Variants in THSD4 observed in about 807,000 individuals in gnomAD.
The protein encoded by THSD4 is thrombospondin type-1 domain-containing protein 4.
In THSD4, 69 loss-of-function variants were observed where a neutral mutation model predicts 119.0. That is an observed-to-expected ratio of 0.58 (90% confidence interval 0.48 to 0.71). THSD4 has a LOEUF of 0.71. Ranked by LOEUF, THSD4 falls within the 30% of genes least tolerant of loss-of-function variation. THSD4 has a pLI of 0.00. For missense variants in THSD4, 1,393 were observed against 1,391.1 expected (o/e 1.00, Z -0.02); for synonymous variants, 524 against 540.4 (o/e 0.97, Z 0.42).
In THSD4 at chr15:71,242,751, C is replaced by G. The variant is rs765682509; in HGVS notation, c.567C>G (p.Leu189=). 3 of 1,614,202 alleles carry G rather than the reference C, an allele frequency of 1.9e-6. No individual in the cohort carries two copies. In the Admixed American group the frequency reaches 5.0e-5, roughly 27 times the overall value. ...ACACTGCACACACGCCACAGAGGCT[C>G]CGGAGACAGAAGCTCTCATCCCGCC... The part of the protein sequence containing the change: ...QTDTAHTPQR[L]RRQKLSSRHS... Residue 189 remains leucine (L), a synonymous_variant, in exon 5 of 18, where the codon CTC becomes CTG. Coordinates refer to ENST00000261862, the MANE Select transcript of THSD4 (RefSeq NM_024817.3).
intron 7 of THSD4, among the ~76,000 whole-genome samples, chr15:71,434,621 G>A (rs1308311505): frequency 6.6e-6 from 1 of 151,892 alleles, no homozygotes; most frequent in Non-Finnish European, 1.5e-5. Context: ...AAAGGCCTGT[G>A]AAGTTTTAGT....
intron 3 of THSD4, among the ~76,000 whole-genome samples, chr15:71,189,669 C>CAAA (rs34897270): frequency 1.4e-5 from 2 of 146,458 alleles, no homozygotes; most frequent in Admixed American, 6.8e-5. Flanking sequence ...GACTCCGTCT[C>CAAA]AAAAAAAAAA....
chr15:71,537,991 C>T (rs117364710), intron 7 of THSD4, among the ~76,000 whole-genome samples: 1,603 of 152,110 alleles, frequency 0.011, 15 homozygotes, highest in South Asian at 0.021. Context: ...AACTCCTGAC[C>T]TCAACTGATC....
chr15:71,672,060 A>G (rs35827682), intron 8 of THSD4, among the ~76,000 whole-genome samples: 35 of 152,286 alleles, frequency 2.3e-4, no homozygotes, highest in Non-Finnish European at 4.9e-4. Context: ...CATTGAATCT[A>G]TAAATTACCT....
chr15:71,242,653 A>C lies in THSD4; in HGVS notation c.469A>C (p.Arg157=). 6.2e-7 allele frequency: 1 copy of C among 1,613,312 alleles called. No individual in the cohort carries two copies. The highest frequency in any genetic ancestry group is 8.5e-7 in the Non-Finnish European group (1 of 1,179,338). ...CTCTTGTCTATCTCTCTTTAGGAGC[A>C]GGACCCGTGGTACCATTGGCCCTGG... ...GLEVTGDRRS[R]TRGTIGPGKY... is the part of the protein sequence containing the mutation. The change falls in exon 5 of 18, where the codon AGG becomes CGG. Residue 157 remains arginine, a synonymous_variant. Coordinates refer to ENST00000261862, the MANE Select transcript of THSD4 (RefSeq NM_024817.3).
At chr15:71,250,732 C>T (rs912024784) in intron 5 of THSD4, among the ~76,000 whole-genome samples, 1 of 152,066 alleles carries the variant, frequency 6.6e-6, no homozygotes, top group Non-Finnish European at 1.5e-5. Flanking sequence ...TATAAATAGG[C>T]AGTCATAAGT....
chr15:71,630,312 C>T (rs1341146396), intron 7 of THSD4, among the ~76,000 whole-genome samples: 1 of 152,150 alleles, frequency 6.6e-6, no homozygotes, highest in Non-Finnish European at 1.5e-5. Context: ...TCTGTCTCGT[C>T]ACGGCACTGC....
At chr15:71,569,020 T>C (rs1201086980) in intron 7 of THSD4, among the ~76,000 whole-genome samples, 1 of 152,238 alleles carries the variant, frequency 6.6e-6, no homozygotes, top group African/African-American at 2.4e-5. Context: ...AATGAAAAAG[T>C]GTTGTCTCAT....
chr15:71,146,770 A>T (rs1165587517), intron 2 of THSD4, among the ~76,000 whole-genome samples: 1 of 152,178 alleles, frequency 6.6e-6, no homozygotes, highest in Non-Finnish European at 1.5e-5. Flanking sequence ...GCTAGGAGGA[A>T]ATAAAATAGA....
chr15:71,492,426 A>G (rs2047933878), intron 7 of THSD4, among the ~76,000 whole-genome samples: 1 of 143,934 alleles, frequency 6.9e-6, no homozygotes, highest in African/African-American at 2.6e-5. Context: ...CACCATGCCC[A>G]TCTATTTTTG....
intron 3 of THSD4, among the ~76,000 whole-genome samples, chr15:71,195,069 A>G (rs955082644): frequency 6.6e-6 from 1 of 152,226 alleles, no homozygotes; most frequent in African/African-American, 2.4e-5. Context: ...GTGAATATGT[A>G]TCCACTACTT....
At chr15:71,763,606 G>A (rs1203890278) in intron 15 of THSD4, among the ~76,000 whole-genome samples, 2 of 150,924 alleles carry the variant, frequency 1.3e-5, no homozygotes, top group Non-Finnish European at 2.9e-5. Context: ...GGAGTGCAGT[G>A]GCACGATCTT....
intron 7 of THSD4, among the ~76,000 whole-genome samples, chr15:71,592,507 C>T (rs1440303903): frequency 6.6e-6 from 1 of 152,064 alleles, no homozygotes; most frequent in African/African-American, 2.4e-5. Context: ...GAAACCATGC[C>T]CTCCTGGGTA....
chr15:71,411,782 GAC>G lies in THSD4; in HGVS notation c.1112_1113del (p.Asp371AlafsTer18). The G allele has an allele frequency of 6.2e-7, 1 of 1,614,096 alleles. No individual in the cohort carries two copies. The highest frequency in any genetic ancestry group is 8.5e-7 in the Non-Finnish European group (1 of 1,179,998). ...AEKVIDGTPC[D>X]QNGTAICVSG... ...GAAAGTCATCGATGGCACCCCCTGTGACCAGAACGGCACGGCCATCTGTGTGT... is the reference window on the plus strand; with the variant it reads ...GAAAGTCATCGATGGCACCCCCTGTGCAGAACGGCACGGCCATCTGTGTGT... On this transcript the variant is annotated frameshift_variant, in exon 7 of 18. Transcript: ENST00000261862. LOFTEE classifies it high-confidence loss of function.
chr15:71,420,090 G>C lies in THSD4; in HGVS notation c.1152+8267G>C, dbSNP rs2046792477. On this transcript the variant is annotated intron_variant, in intron 7 of 17. Transcript: ENST00000261862. ...AAGTGTGGTGTTGAAGTGTCCAGCTGTTAATGTATTGGCATCTGTCTCTTT... is the reference window on the plus strand; with the variant it reads ...AAGTGTGGTGTTGAAGTGTCCAGCTCTTAATGTATTGGCATCTGTCTCTTT... 1.8e-5 allele frequency among the ~76,000 whole-genome samples: 2 copies of C among 108,308 alleles called. 1 individual carries two copies. The highest frequency in any genetic ancestry group is 4.1e-5 in the Non-Finnish European group (2 of 49,232). 71.1% of individuals were successfully genotyped at this position (108,308 alleles called of 152,430 possible).
At chr15:71,672,258 G>A (rs897255304) in intron 8 of THSD4, among the ~76,000 whole-genome samples, 3 of 152,100 alleles carry the variant, frequency 2.0e-5, no homozygotes, top group African/African-American at 7.2e-5. Context: ...ATTGTGAATG[G>A]GAGTTCACTC....
At chr15:71,332,024 AAAG>A (rs66620935) in intron 6 of THSD4, among the ~76,000 whole-genome samples, 1,695 of 152,318 alleles carry the variant, frequency 0.011, 15 homozygotes, top group Non-Finnish European at 0.018. Flanking sequence ...CTACTGAAGG[AAAG>A]AAGAAGGGGC....
At chr15:71,408,267 C>T (rs1278056317) in intron 6 of THSD4, among the ~76,000 whole-genome samples, 2 of 152,164 alleles carry the variant, frequency 1.3e-5, no homozygotes, top group African/African-American at 2.4e-5. Context: ...TGCTCTTGCT[C>T]TGTCATCCAG....
Position 71,501,214 on chromosome 15 carries a change from T to C in THSD4, c.1152+89391T>C, listed in dbSNP as rs559133126. On this transcript the variant is annotated intron_variant, in intron 7 of 17. Coordinates refer to ENST00000261862, the MANE Select transcript of THSD4 (RefSeq NM_024817.3). ...CCACCAAAGCTGTGTGTGTTTTTCT[T>C]TTAGAGAAGGCAGAAAGAGGCAAAA... 1.9e-3 allele frequency among the ~76,000 whole-genome samples: 283 copies of C among 152,318 alleles called. 2 individuals carry two copies. The highest frequency in any genetic ancestry group is 6.4e-3 in the African/African-American group (264 of 41,566).
Sources: gnomAD v4.1 joint callset for allele counts (sites outside exome capture counted in the v4.1 genomes callset) on GRCh38, gnomAD v4.1.1 for gene constraint, MANE v1.5 for transcripts, NCBI Gene and HGNC (gene_info 2026-07-23, HGNC 2026-07-21) for gene names.